NCAPD2: variants seen among roughly 807,000 people sequenced by gnomAD.
NCAPD2 encodes the protein non-SMC condensin I complex subunit D2, also known as condensin complex subunit 1.
A neutral mutation model predicts 164.5 loss-of-function variants in NCAPD2; 100 were observed. That is an observed-to-expected ratio of 0.61 (90% CI 0.52 to 0.72). NCAPD2 has a LOEUF of 0.72. Among genes scored for constraint, NCAPD2 ranks in the 30% least tolerant of loss-of-function variants. The pLI, the probability that NCAPD2 is intolerant of heterozygous loss-of-function variation, is 0.00. For synonymous variants in NCAPD2, 585 were observed against 642.6 expected (o/e 0.91, Z 1.36); for missense variants, 1,560 against 1,749.2 (o/e 0.89, Z 1.93).
chr12:6,526,021 G>A, intron 18 of NCAPD2, 47 bp from the exon 19 acceptor site: 1 of 1,603,372 alleles, frequency 6.2e-7, no homozygotes, highest in Non-Finnish European at 8.5e-7. Context: ...CTCCCCCGAT[G>A]AGTCCAATCC....
chr12:6,498,069 A>G (rs529943187), intron 2 of NCAPD2, among the ~76,000 whole-genome samples: 3 of 152,034 alleles, frequency 2.0e-5, no homozygotes, highest in South Asian at 2.1e-4. Flanking sequence ...GCCAACATGC[A>G]CTGCTAATTT....
chr12:6,509,713 A>G lies in NCAPD2; in HGVS notation c.128-4A>G, dbSNP rs1039486368. ...AAATTGATTTGTTTTTTCCATCTTC[A>G]TAGCTTTTCAGGCTGCCTTTCGAGC... On this transcript the variant is annotated splice_polypyrimidine_tract_variant and splice_region_variant and intron_variant, in intron 2 of 31. Transcript: ENST00000315579. 3.7e-5 allele frequency: 59 copies of G among 1,613,712 alleles called. No individual in the cohort carries two copies. In the East Asian group the frequency reaches 1.1e-3, roughly 30 times the overall value.
intron 15 of NCAPD2, among the ~76,000 whole-genome samples, 194 bp downstream of exon 15, chr12:6,522,231 GCCA>G (rs1197344520): frequency 6.6e-6 from 1 of 152,064 alleles, no homozygotes; most frequent in Non-Finnish European, 1.5e-5. Context: ...ACTGCACCCG[GCCA>G]TGGATCTTGG....
At chr12:6,518,503 A>AGTTTTTGTT (rs1555139578) in intron 13 of NCAPD2, among the ~76,000 whole-genome samples, 1 of 30,714 alleles carries the variant, frequency 3.3e-5, no homozygotes. Context: ...GCCGTCAACA[A>AGTTTTTGTT]GTTTTTTTTT....
chr12:6,529,142 A>C (rs1946347734), intron 27 of NCAPD2, 103 bp downstream of exon 27: 1 of 1,015,692 alleles, frequency 9.8e-7, no homozygotes, highest in Non-Finnish European at 1.5e-6. Context: ...TTAGCTGTAC[A>C]GCCTTCGGCA....
intron 1 of NCAPD2, 81 bp from the exon 2 acceptor site, chr12:6,494,995 T>C: frequency 7.1e-7 from 1 of 1,413,966 alleles, no homozygotes; most frequent in Non-Finnish European, 9.7e-7. Flanking sequence ...TTATATATGT[T>C]GGGGATGGGA....
At chr12:6,517,208 G>A (rs1189580638) in intron 10 of NCAPD2, among the ~76,000 whole-genome samples, 157 bp from the exon 11 acceptor site, 2 of 152,196 alleles carry the variant, frequency 1.3e-5, no homozygotes, top group African/African-American at 4.8e-5. Flanking sequence ...GGACTGTAAT[G>A]TGTCTTACCA....
At chr12:6,523,113 T>C (rs1946280377) in intron 16 of NCAPD2, 111 bp downstream of exon 16, 1 of 1,471,350 alleles carries the variant, frequency 6.8e-7, no homozygotes, top group African/African-American at 1.4e-5. Context: ...TCCAGATCCA[T>C]AGGCAGTCCA....
chr12:6,510,115 C>T lies in NCAPD2; in HGVS notation c.244C>T (p.Leu82=). The change falls in exon 4 of 32, where the codon CTG becomes TTG. Residue 82 remains leucine (L), a synonymous_variant. Coordinates refer to ENST00000315579, the MANE Select transcript of NCAPD2 (RefSeq NM_014865.4). Reference sequence around the variant, plus strand: ...AGATCCTGGCCTCAAAGAAGATACTCTGCAATTCCTGATAAAAGGTGTTTA... The same window carrying T: ...AGATCCTGGCCTCAAAGAAGATACTTTGCAATTCCTGATAAAAGGTGTTTA... ...SIDPGLKEDT[L]QFLIKVVSRH... is the part of the protein sequence containing the mutation. 1 of 1,612,034 alleles carries T rather than the reference C, an allele frequency of 6.2e-7. No homozygotes were observed. The highest frequency in any genetic ancestry group is 8.5e-7 in the Non-Finnish European group (1 of 1,178,090).
rs750024776 is a variant in NCAPD2 at position 6,526,973 on chromosome 12, C to T, written c.2817C>T (p.Val939=). The change falls in exon 22 of 32, where the codon GTC becomes GTT. Residue 939 remains valine, a synonymous_variant. Transcript: ENST00000315579. ...GGGATGTGGCTCTGCAGCAGCTGGT[C>T]CACTTGGAGCAGGCAGTGAGTGGAG... The part of the protein sequence containing the change: ...LAGDVALQQL[V]HLEQAVSGEL... 4.3e-5 allele frequency: 69 copies of T among 1,614,062 alleles called. No individual in the cohort carries two copies. The highest frequency in any genetic ancestry group is 9.3e-5 in the African/African-American group (7 of 74,930).
At position 6,528,706 on chromosome 12, in the gene NCAPD2, GA is replaced by G; in HGVS notation, c.3331del (p.Thr1111GlnfsTer5). 3.7e-6 allele frequency: 6 copies of G among 1,613,646 alleles called. No homozygotes were observed. Among genetic ancestry groups the G allele is most frequent in the Non-Finnish European group, 5.1e-6 (6 of 1,179,592 alleles). On this transcript the variant is annotated frameshift_variant, in exon 26 of 32. Coordinates refer to ENST00000315579, the MANE Select transcript of NCAPD2 (RefSeq NM_014865.4). LOFTEE classifies it high-confidence loss of function. The surrounding 1 kb of genome is among the most constrained non-coding windows in gnomAD (Gnocchi z 5.1). ...RLRDPAQQVR[K>X]TAGLVMTHLI... ...TCCGGGACCCTGCTCAGCAAGTGCG[GA>G]AAACAGCGGGGCTGGTGATGACCCA... is the stretch of plus-strand genomic sequence containing the variant.
At chr12:6,512,594 G>A (rs1946161991) in intron 6 of NCAPD2, among the ~76,000 whole-genome samples, 1 of 152,222 alleles carries the variant, frequency 6.6e-6, no homozygotes. Context: ...GTTCTTGTGG[G>A]CCATCATGGT....
At chr12:6,497,414 G>C (rs1385836776) in intron 2 of NCAPD2, among the ~76,000 whole-genome samples, 1 of 151,862 alleles carries the variant, frequency 6.6e-6, no homozygotes, top group African/African-American at 2.4e-5. Flanking sequence ...ATTAAGCCCA[G>C]CATGTATTAG....
intron 3 of NCAPD2, 23 bp downstream of exon 3, chr12:6,509,815 A>G: frequency 1.9e-6 from 3 of 1,608,924 alleles, no homozygotes; most frequent in Non-Finnish European, 2.6e-6. Context: ...CCCAACTGGT[A>G]CTTTAAAAAG....
intron 2 of NCAPD2, among the ~76,000 whole-genome samples, chr12:6,496,464 G>C (rs1247973436): frequency 6.6e-6 from 1 of 152,060 alleles, no homozygotes; most frequent in Non-Finnish European, 1.5e-5. Flanking sequence ...AGACTCTCTT[G>C]CCCAGGCTGG....
Position 6,526,985 on chromosome 12 carries a change from G to A in NCAPD2, c.2829G>A (p.Gln943=), listed in dbSNP as rs1946323505. The change falls in exon 22 of 32, where the codon CAG becomes CAA. Residue 943 remains glutamine, a synonymous_variant. Transcript: ENST00000315579. The stretch of plus-strand genomic sequence containing the variant: ...TGCAGCAGCTGGTCCACTTGGAGCA[G>A]GCAGTGAGTGGAGAGCTCTGCCGGC... ...VALQQLVHLE[Q]AVSGELCRRR... is the part of the protein sequence containing the mutation. The A allele has an allele frequency of 6.2e-7, 1 of 1,614,196 alleles. No individual in the cohort carries two copies. The highest frequency in any genetic ancestry group is 8.5e-7 in the Non-Finnish European group (1 of 1,180,040).
At position 6,526,454 on chromosome 12, in the gene NCAPD2, T is replaced by G. The variant is rs1480614824; in HGVS notation, c.2573T>G (p.Val858Gly). 1.9e-6 allele frequency: 3 copies of G among 1,614,160 alleles called. No individual in the cohort carries two copies. The highest frequency in any genetic ancestry group is 2.5e-6 in the Non-Finnish European group (3 of 1,180,022). Reference protein sequence around the residue: ...RLRETVTKGFVHPDPLWIPFK... With the variant: ...RLRETVTKGFGHPDPLWIPFK... ...TCTCCCTCCTCCTCTGCAGGCTTTG[T>G]CCACCCAGACCCACTCTGGATCCCA... The change falls in exon 21 of 32, where the codon GTC becomes GGC. Residue 858 changes from valine to glycine, a missense_variant. By Grantham distance (109) the Val-to-Gly change is moderately radical. Coordinates refer to ENST00000315579, the MANE Select transcript of NCAPD2 (RefSeq NM_014865.4).
chr12:6,518,508 T>TTTGTTTTTTGTTTTTTG (rs1555139600), intron 13 of NCAPD2, among the ~76,000 whole-genome samples: 1 of 91,142 alleles, frequency 1.1e-5, no homozygotes. Context: ...CAACAAGTTT[T>TTTGTTTTTTGTTTTTTG]TTTTTTTTTT....
rs746072942 is a variant in NCAPD2, at chr12:6,528,951, G to A, written c.3484G>A (p.Ala1162Thr). The A allele has an allele frequency of 3.8e-5, 61 of 1,613,970 alleles. No homozygotes were observed. The highest frequency in any genetic ancestry group is 8.0e-5 in the African/African-American group (6 of 74,908). ...GGCTCTCTCTGTCTTACAGGGCAAC[G>A]CAATCTATAATCTCCTTCCAGATAT... ...FFNELSHKGNAIYNLLPDIIS... is the reference protein window; with the variant it reads ...FFNELSHKGNTIYNLLPDIIS... Residue 1162 changes from alanine to threonine, a missense_variant, in exon 27 of 32, where the codon GCA becomes ACA. Ala to Thr is a moderately conservative substitution (Grantham distance 58). Coordinates refer to ENST00000315579, the MANE Select transcript of NCAPD2 (RefSeq NM_014865.4). The surrounding 1 kb of genome is among the most constrained non-coding windows in gnomAD (Gnocchi z 5.1).
Sources: allele counts gnomAD v4.1 joint callset (sites outside exome capture counted in the v4.1 genomes callset), GRCh38; gene constraint gnomAD v4.1.1; non-coding constraint Gnocchi (gnomAD v3.1); transcripts MANE v1.5; gene names NCBI Gene and HGNC (gene_info 2026-07-23, HGNC 2026-07-21).